The following VPS13A variants were observed in gnomAD, a reference collection of about 807,000 sequenced individuals.
VPS13A encodes vacuolar protein sorting 13 homolog A, also known as intermembrane lipid transfer protein VPS13A.
Under a neutral mutation model 390.9 loss-of-function variants are expected in VPS13A, and 264 were observed. The ratio of observed to expected loss-of-function variants is 0.68; its 90% CI spans 0.61 to 0.75. The LOEUF (loss-of-function observed/expected upper bound fraction) is 0.75, where lower values mean the gene tolerates loss of function less well. VPS13A is among the 30% of genes least tolerant of loss of function. VPS13A has a pLI of 0.00. For synonymous variants in VPS13A, 1,231 were observed against 1,227.1 expected (o/e 1.00, Z -0.07); for missense variants, 3,409 against 3,733.9 (o/e 0.91, Z 2.27).
chr9:77,378,604 G>A (rs1473893663), intron 67 of VPS13A, among the ~76,000 whole-genome samples: 1 of 151,448 alleles, frequency 6.6e-6, no homozygotes, highest in Non-Finnish European at 1.5e-5. Flanking sequence ...TTCTTGGTCA[G>A]TTTAGTGATG....
chr9:77,389,308 CTTTTTTT>C (rs57239835), intron 68 of VPS13A, among the ~76,000 whole-genome samples: 3 of 137,722 alleles, frequency 2.2e-5, no homozygotes, highest in African/African-American at 8.1e-5. Context: ...AAGCAGAACT[CTTTTTTT>C]TTTTTTTTTT....
rs1394854236 is a variant in VPS13A at position 77,318,514 on chromosome 9, C to A, written c.5236C>A (p.Leu1746Met). The change falls in exon 41 of 72, where the codon CTG (leucine) becomes ATG (methionine). Residue 1746 changes from leucine to methionine, a missense_variant. Transcript: ENST00000360280. ...TGGTCATAGAACAGTACCTATGCTT[C>A]TGGCAAAGTCACGTTTTTCAGGGGA... ...GIGHRTVPML[L>M]AKSRFSGEGK... The A allele has an allele frequency of 6.2e-7, 1 of 1,613,878 alleles. No individual in the cohort carries two copies. Among genetic ancestry groups the A allele is most frequent in the Non-Finnish European group, 8.5e-7 (1 of 1,179,908 alleles).
intron 34 of VPS13A, among the ~76,000 whole-genome samples, chr9:77,307,304 G>C (rs954844219): frequency 6.6e-6 from 1 of 152,096 alleles, no homozygotes; most frequent in Non-Finnish European, 1.5e-5. Flanking sequence ...TATCAGGATT[G>C]CATTAGCTGG....
intron 5 of VPS13A, 49 bp downstream of exon 5, chr9:77,206,128 C>A: frequency 8.2e-7 from 1 of 1,219,124 alleles, no homozygotes; most frequent in South Asian, 1.4e-5. Flanking sequence ...TAGAAAAGAC[C>A]TAAATATTTA....
intron 7 of VPS13A, 40 bp from the exon 8 acceptor site, chr9:77,212,929 G>C (rs2131152275): frequency 1.9e-6 from 3 of 1,601,562 alleles, no homozygotes; most frequent in Middle Eastern, 1.7e-4. Context: ...GTTTCAAATG[G>C]AATGACCTTT....
rs573124433 is a variant in VPS13A, at chr9:77,360,434, T to A, written c.8106-102T>A. ...TTAGTCAACTAAATAGTCCTAAGTT[T>A]CAAAGTTCTAATATTGATCTCATAC... is the stretch of plus-strand genomic sequence containing the variant. On this transcript the variant is annotated intron_variant, in intron 58 of 71. Transcript: ENST00000360280. 1.8e-5 allele frequency: 16 copies of A among 873,348 alleles called. No homozygotes were observed. In the South Asian group the frequency reaches 2.3e-4, roughly 12 times the overall value. 54.1% of individuals were successfully genotyped at this position (873,348 alleles called of 1,614,324 possible).
At chr9:77,344,677 T>C (rs1020960922) in intron 51 of VPS13A, among the ~76,000 whole-genome samples, 13 of 151,468 alleles carry the variant, frequency 8.6e-5, no homozygotes, top group Non-Finnish European at 1.9e-4. Context: ...GAGAATGGTG[T>C]GAACCCGGGA....
intron 1 of VPS13A, among the ~76,000 whole-genome samples, chr9:77,198,363 C>T (rs969567151): frequency 5.9e-5 from 9 of 152,102 alleles, no homozygotes; most frequent in African/African-American, 2.2e-4. Flanking sequence ...TGCTCCAGTC[C>T]TTTAATAAGC....
At chr9:77,230,679 T>C (rs1823782204) in intron 17 of VPS13A, among the ~76,000 whole-genome samples, 1 of 152,130 alleles carries the variant, frequency 6.6e-6, no homozygotes, top group African/African-American at 2.4e-5. Flanking sequence ...CCAGTTTTGT[T>C]TTTTTGTTTT....
Position 77,318,214 on chromosome 9 carries a change from TATTA to T in VPS13A, c.4957-17_4957-14del, listed in dbSNP as rs764615192. The stretch of plus-strand genomic sequence containing the variant: ...TGTTTGAAAGTGTTTTGTATAGACT[TATTA>T]ATTTTTTTCCATTTAGGTTTCACCA... On this transcript the variant is annotated splice_polypyrimidine_tract_variant and intron_variant, in intron 40 of 71. Transcript: ENST00000360280. The T allele has an allele frequency of 7.7e-5, 112 of 1,445,226 alleles. No individual in the cohort carries two copies. Among genetic ancestry groups the T allele is most frequent in the Non-Finnish European group, 7.4e-5 (77 of 1,042,174 alleles). 89.5% of individuals were successfully genotyped at this position (1,445,226 alleles called of 1,614,324 possible).
At chr9:77,391,291 C>T (rs536294615) in intron 68 of VPS13A, among the ~76,000 whole-genome samples, 1 of 152,236 alleles carries the variant, frequency 6.6e-6, no homozygotes, top group African/African-American at 2.4e-5. Flanking sequence ...CATGCTGTAA[C>T]AATAACATTG....
chr9:77,241,143 G>A (rs569647831), intron 19 of VPS13A, among the ~76,000 whole-genome samples: 2 of 151,998 alleles, frequency 1.3e-5, no homozygotes, highest in South Asian at 4.2e-4. Context: ...TGGAATTCTG[G>A]CTAAATGAAT....
intron 33 of VPS13A, 54 bp downstream of exon 33, chr9:77,295,900 A>C (rs1429799325): frequency 6.4e-7 from 1 of 1,569,932 alleles, no homozygotes; most frequent in African/African-American, 1.4e-5. Flanking sequence ...CTAACTTTTT[A>C]AAGACTTTGA....
rs745374094 is a variant in VPS13A at position 77,177,850 on chromosome 9, G to C, written c.100+46G>C. The C allele has an allele frequency of 4.5e-6, 7 of 1,555,744 alleles. No individual in the cohort carries two copies. The East Asian group carries it at 1.6e-4, about 36-fold the overall frequency. On this transcript the variant is annotated intron_variant, in intron 1 of 71. Coordinates refer to ENST00000360280, the MANE Select transcript of VPS13A (RefSeq NM_033305.3). ...GCTCCCCGGCCTCTCGTGCTTCCCG[G>C]CCGTCTCGCTGCCCGAGCGGCGTCC...
intron 41 of VPS13A, among the ~76,000 whole-genome samples, chr9:77,319,203 A>G (rs1303831945): frequency 6.6e-6 from 1 of 151,574 alleles, no homozygotes; most frequent in Non-Finnish European, 1.5e-5. Context: ...CTCAAAAAAA[A>G]AAAAAAGAAA....
At chr9:77,407,013 G>A (rs1286089000) in intron 70 of VPS13A, among the ~76,000 whole-genome samples, 1 of 152,094 alleles carries the variant, frequency 6.6e-6, no homozygotes, top group Non-Finnish European at 1.5e-5. Context: ...GACACAACCT[G>A]ATCTCTCTTT....
chr9:77,400,929 T>G (rs964530792), intron 68 of VPS13A, among the ~76,000 whole-genome samples: 1 of 152,146 alleles, frequency 6.6e-6, no homozygotes, highest in African/African-American at 2.4e-5. Context: ...ATAGGGTATA[T>G]AGAGAGAAGG....
chr9:77,395,383 G>A (rs930083710), intron 68 of VPS13A, among the ~76,000 whole-genome samples: 1 of 152,252 alleles, frequency 6.6e-6, no homozygotes, highest in South Asian at 2.1e-4. Flanking sequence ...CTCTATGGCT[G>A]TAGTTTATGG....
intron 59 of VPS13A, among the ~76,000 whole-genome samples, chr9:77,363,498 C>T (rs545809481): frequency 2.7e-5 from 4 of 149,042 alleles, no homozygotes; most frequent in South Asian, 2.1e-4. Context: ...ACCTCCGCCT[C>T]GTGGGTTTGT....
Sources: allele counts gnomAD v4.1 joint callset (sites outside exome capture counted in the v4.1 genomes callset), GRCh38; gene constraint gnomAD v4.1.1; transcripts MANE v1.5; gene names NCBI Gene and HGNC (gene_info 2026-07-23, HGNC 2026-07-21).